Variants in DZANK1 observed in about 807,000 individuals in gnomAD.
The protein encoded by DZANK1 is double zinc ribbon and ankyrin repeat-containing protein 1.
Under a neutral mutation model 94.5 loss-of-function variants are expected in DZANK1, and 91 were observed. That is an observed-to-expected ratio of 0.96 (90% CI 0.81 to 1.15). The LOEUF (loss-of-function observed/expected upper bound fraction) is 1.15, where lower values mean the gene tolerates loss of function less well. Ranked by LOEUF, DZANK1 falls within the 50% of genes most tolerant of loss-of-function variation. DZANK1 has a pLI of 0.00. For missense variants in DZANK1, 903 were observed against 916.4 expected (o/e 0.99, Z 0.19); for synonymous variants, 312 against 325.3 (o/e 0.96, Z 0.44).
intron 9 of DZANK1, among the ~76,000 whole-genome samples, chr20:18,429,147 T>C (rs1464025079): frequency 6.6e-6 from 1 of 152,194 alleles, no homozygotes; most frequent in African/African-American, 2.4e-5. Flanking sequence ...GTGAAACCCA[T>C]TGAGAAATGA....
intron 7 of DZANK1, among the ~76,000 whole-genome samples, chr20:18,444,448 A>G (rs2058809760): frequency 6.6e-6 from 1 of 152,248 alleles, no homozygotes; most frequent in Non-Finnish European, 1.5e-5. Context: ...AGGAAAGAAT[A>G]CCAGAGAAGA....
intron 20 of DZANK1, 86 bp downstream of exon 20, chr20:18,384,930 A>C (rs2048391020): frequency 1.5e-6 from 2 of 1,338,958 alleles, no homozygotes; most frequent in Non-Finnish European, 2.1e-6. Context: ...CAGTTCAGGA[A>C]CCAAGGCCCC....
intron 9 of DZANK1, among the ~76,000 whole-genome samples, chr20:18,430,401 G>A (rs1006467962): frequency 5.3e-5 from 8 of 152,176 alleles, no homozygotes; most frequent in Non-Finnish European, 1.2e-4. Context: ...AGTCCTGGAG[G>A]TATATTGCAT....
chr20:18,402,208 G>A (rs1300313579), intron 13 of DZANK1, among the ~76,000 whole-genome samples: 1 of 152,112 alleles, frequency 6.6e-6, no homozygotes, highest in East Asian at 1.9e-4. Flanking sequence ...GAAATGTCAG[G>A]TGACCATCAG....
chr20:18,433,904 G>A (rs944685725), intron 8 of DZANK1, 139 bp from the exon 9 acceptor site: 2 of 688,668 alleles, frequency 2.9e-6, no homozygotes, highest in East Asian at 2.8e-5. Flanking sequence ...TAGGCAGGTC[G>A]GGCTTGGTTA....
intron 13 of DZANK1, among the ~76,000 whole-genome samples, chr20:18,399,278 G>C (rs886212311): frequency 2.6e-5 from 4 of 152,184 alleles, no homozygotes; most frequent in Middle Eastern, 3.4e-3. Context: ...GCCCAGGCTA[G>C]AGTACAATGG....
At chr20:18,409,585 AC>A (rs1568918002) in intron 13 of DZANK1, among the ~76,000 whole-genome samples, 5 of 111,490 alleles carry the variant, frequency 4.5e-5, no homozygotes, top group Non-Finnish European at 8.5e-5. Flanking sequence ...CACACACACC[AC>A]CACCACCACC....
intron 19 of DZANK1, 41 bp downstream of exon 19, chr20:18,389,660 C>T: frequency 1.3e-5 from 21 of 1,609,934 alleles, no homozygotes; most frequent in Non-Finnish European, 1.8e-5. Flanking sequence ...AGCAGTCAGC[C>T]TGCTGCTACC....
At chr20:18,455,483 T>C (rs191501149) in intron 3 of DZANK1, 122 bp from the exon 4 acceptor site, 203 of 707,094 alleles carry the variant, frequency 2.9e-4, no homozygotes, top group Non-Finnish European at 4.0e-4. Context: ...GTATTTCAAA[T>C]TGAAGAAATC....
chr20:18,412,975 T>G (rs535000664), intron 12 of DZANK1, 122 bp from the exon 13 acceptor site: 86 of 935,518 alleles, frequency 9.2e-5, no homozygotes, highest in Admixed American at 1.9e-4. Context: ...TACTTGGAAC[T>G]AATAGGGTTT....
intron 10 of DZANK1, chr20:18,420,245 G>A (rs1024637853): frequency 1.0e-5 from 2 of 198,602 alleles, no homozygotes; most frequent in Admixed American, 4.6e-5. Context: ...CATGTCAAAC[G>A]TATAAGCTTG....
chr20:18,462,641 A>G (rs891128618), intron 2 of DZANK1, among the ~76,000 whole-genome samples: 1 of 152,160 alleles, frequency 6.6e-6, no homozygotes, highest in African/African-American at 2.4e-5. Context: ...CTTATACACT[A>G]TTGGCAGGGA....
rs1374712627 is a variant in DZANK1, at chr20:18,441,793, G to T, written c.747+1554C>A. Among the ~76,000 whole-genome samples, 3 of 152,256 alleles carry T rather than the reference G, an allele frequency of 2.0e-5. No individual in the cohort carries two copies. The highest frequency in any genetic ancestry group is 7.2e-5 in the African/African-American group (3 of 41,474). On this transcript the variant is annotated intron_variant, in intron 8 of 20. Transcript: ENST00000262547. The surrounding 1 kb of genome is among the most constrained non-coding windows in gnomAD (Gnocchi z 4.1). ...ATGTTGGGAAGTCAGATACAGAGAT[G>T]TGGCTGGAACTTGCTGGAAAGTTGC...
exon 15 of DZANK1, chr20:18,396,479 G>A (rs1266308660): frequency 6.2e-7 from 1 of 1,612,460 alleles, no homozygotes; most frequent in Admixed American, 1.7e-5. Flanking sequence ...CACCTTGTTT[G>A]AGACTTGACT....
rs1467378382 is a variant in DZANK1 at position 18,460,295 on chromosome 20, C to A, written c.121G>T (p.Val41Phe). The stretch of plus-strand genomic sequence containing the variant: ...CCATCCAGAGTATAATATATGTTGA[C>A]ATCTGGAGTGTCTGAAAAATCCAAA... Residue 41 changes from valine to phenylalanine, a missense_variant, in exon 3 of 21, where the codon GTC becomes TTC. Transcript: ENST00000262547. The A allele has an allele frequency of 4.6e-6, 7 of 1,535,528 alleles. No homozygotes were observed. The highest frequency in any genetic ancestry group is 6.2e-6 in the Non-Finnish European group (7 of 1,132,038).
At chr20:18,450,315 C>T (rs1392790499) in intron 6 of DZANK1, among the ~76,000 whole-genome samples, 2 of 152,022 alleles carry the variant, frequency 1.3e-5, no homozygotes, top group South Asian at 2.1e-4. Flanking sequence ...CTTTGGGAGG[C>T]TGAGGCAGGA....
rs1299421210 is a variant in DZANK1, at chr20:18,441,498, T to C, written c.747+1849A>G. Among the ~76,000 whole-genome samples, 1 of 152,238 alleles carries C rather than the reference T, an allele frequency of 6.6e-6. No homozygotes were observed. Among genetic ancestry groups the C allele is most frequent in the Non-Finnish European group, 1.5e-5 (1 of 68,044 alleles). ...AACTACTAATGGGTAAAGCAGATTC[T>C]ACATATACAGAAATTCCAAACATAG... On this transcript the variant is annotated intron_variant, in intron 8 of 20. Coordinates refer to ENST00000262547, the Ensembl canonical transcript of DZANK1. The surrounding 1 kb of genome is among the most constrained non-coding windows in gnomAD (Gnocchi z 4.1).
At chr20:18,390,523 T>C in intron 17 of DZANK1, 64 bp from the exon 18 acceptor site, 5 of 1,471,620 alleles carry the variant, frequency 3.4e-6, no homozygotes. Flanking sequence ...GCAAACACTT[T>C]CTTTCCAACA....
At chr20:18,452,777 G>C (rs2059150279) in intron 5 of DZANK1, 38 bp from the exon 6 acceptor site, 2 of 1,522,132 alleles carry the variant, frequency 1.3e-6, no homozygotes, top group African/African-American at 2.8e-5. Flanking sequence ...TTGAGCATCT[G>C]TAATTATACA....
Sources: allele counts gnomAD v4.1 joint callset (sites outside exome capture counted in the v4.1 genomes callset), GRCh38; gene constraint gnomAD v4.1.1; non-coding constraint Gnocchi (gnomAD v3.1); transcripts MANE v1.5; gene names NCBI Gene and HGNC (gene_info 2026-07-23, HGNC 2026-07-21).